The following RMDN3 variants were observed in gnomAD, a reference collection of about 807,000 sequenced individuals.
RMDN3 encodes regulator of microtubule dynamics 3.
In RMDN3, 41 loss-of-function variants were observed where a neutral mutation model predicts 61.8. The ratio of observed to expected loss-of-function variants is 0.66; its 90% CI spans 0.52 to 0.86. The LOEUF (loss-of-function observed/expected upper bound fraction) is 0.86, where lower values mean the gene tolerates loss of function less well. Ranked by LOEUF, RMDN3 falls within the 40% of genes least tolerant of loss-of-function variation. The pLI, the probability that RMDN3 is intolerant of heterozygous loss-of-function variation, is 0.00. For missense variants in RMDN3, 557 were observed against 585.3 expected (o/e 0.95, Z 0.50); for synonymous variants, 247 against 232.0 (o/e 1.06, Z -0.59).
intron 4 of RMDN3, among the ~76,000 whole-genome samples, chr15:40,749,524 C>A (rs1330957011): frequency 6.6e-6 from 1 of 152,096 alleles, no homozygotes; most frequent in African/African-American, 2.4e-5. Context: ...CAAAACAAAA[C>A]AAAACAAAAA....
intron 4 of RMDN3, among the ~76,000 whole-genome samples, chr15:40,750,827 C>CA (rs1022069004): frequency 1.3e-5 from 2 of 152,230 alleles, no homozygotes; most frequent in East Asian, 1.9e-4. Flanking sequence ...ACTGACATCA[C>CA]ACTCTATCCT....
intron 5 of RMDN3, among the ~76,000 whole-genome samples, chr15:40,744,528 G>T (rs1023654733): frequency 1.3e-5 from 2 of 151,870 alleles, no homozygotes; most frequent in African/African-American, 2.4e-5. Flanking sequence ...ACCTGGGTGG[G>T]CATATATTCT....
chr15:40,745,158 C>T lies in RMDN3; in HGVS notation c.626G>A (p.Arg209Lys). 6.2e-7 allele frequency: 1 copy of T among 1,614,194 alleles called. No homozygotes were observed. The highest frequency in any genetic ancestry group is 1.1e-5 in the South Asian group (1 of 91,086). Residue 209 changes from arginine to lysine, a missense_variant, in exon 5 of 13, where the codon AGA (arginine) becomes AAA (lysine). Coordinates refer to ENST00000338376, the MANE Select transcript of RMDN3 (RefSeq NM_018145.3). Reference protein sequence around the residue: ...EVSCETVKMGRKDSLDLEEEA... With the variant: ...EVSCETVKMGKKDSLDLEEEA... Reference sequence around the variant, plus strand: ...TTCCTCCAAGTCAAGAGAATCCTTTCTCCCCATCTTCACAGTCTCACAGCT... The same window carrying T: ...TTCCTCCAAGTCAAGAGAATCCTTTTTCCCCATCTTCACAGTCTCACAGCT...
intron 5 of RMDN3, chr15:40,744,378 G>C (rs1897414021): frequency 6.1e-6 from 3 of 491,366 alleles, no homozygotes; most frequent in Non-Finnish European, 1.1e-5. Flanking sequence ...TACGGGGTGA[G>C]GGCATTCTGA....
intron 6 of RMDN3, among the ~76,000 whole-genome samples, 185 bp downstream of exon 6, chr15:40,743,862 A>G (rs975046308): frequency 2.0e-5 from 3 of 152,220 alleles, no homozygotes; most frequent in African/African-American, 7.2e-5. Context: ...ACAGATAAGC[A>G]AAGACTGCTC....
chr15:40,741,800 T>C (rs1897296398), intron 6 of RMDN3, among the ~76,000 whole-genome samples: 2 of 150,972 alleles, frequency 1.3e-5, no homozygotes, highest in Non-Finnish European at 2.9e-5. Context: ...GGCTAATTTT[T>C]GTATTTTTAG....
chr15:40,751,803 G>C lies in RMDN3; in HGVS notation c.380+183C>G, dbSNP rs1355925878. ...AGCTGCTACAACAGATCAACCATGA[G>C]AGTCCAGAAGCAGCAAGGAGCATGT... On this transcript the variant is annotated intron_variant, in intron 3 of 12. Transcript: ENST00000338376. 1.2e-5 allele frequency: 10 copies of C among 809,596 alleles called. No individual in the cohort carries two copies. In the East Asian group the frequency reaches 2.4e-4, roughly 19 times the overall value. The allele number at this position is 809,596 out of a possible 1,614,324, so 50.2% of individuals were successfully genotyped here. A position where few individuals can be genotyped will look rare whatever the true frequency, so the allele number is the denominator to read the frequency against.
In RMDN3 at chr15:40,736,549, G is replaced by A. The variant is rs879690822; in HGVS notation, c.1405C>T (p.Arg469Ter). The change falls in exon 13 of 13, where the codon CGA (arginine) becomes TGA (stop). Residue 469 changes from arginine (R) to a stop codon, truncating the protein, a stop_gained. Coordinates refer to ENST00000338376, the MANE Select transcript of RMDN3 (RefSeq NM_018145.3). LOFTEE classifies it high-confidence loss of function. ...AGGCCAGTGAAACGTGGTTAGTCTC[G>A]TAAAATGACTTCCAGTTCTTCCAGG... ...KDLEELEVIL[R>*]D is the part of the protein sequence containing the mutation. The A allele has an allele frequency of 2.0e-5, 32 of 1,613,936 alleles. No individual in the cohort carries two copies. Among genetic ancestry groups the A allele is most frequent in the Non-Finnish European group, 2.5e-5 (30 of 1,179,898 alleles).
At chr15:40,741,233 T>C (rs1409912957) in intron 6 of RMDN3, among the ~76,000 whole-genome samples, 1 of 151,926 alleles carries the variant, frequency 6.6e-6, no homozygotes, top group Non-Finnish European at 1.5e-5. Flanking sequence ...AGGGGATGGG[T>C]ACATTGGCTC....
At chr15:40,744,682 GAGGTAGAGCTCTTTCTGCAGT>G (rs546704230) in intron 5 of RMDN3, among the ~76,000 whole-genome samples, 194 of 152,066 alleles carry the variant, frequency 1.3e-3, no homozygotes, top group African/African-American at 4.6e-3. Flanking sequence ...CTAGAGGTGA[GAGGTAGAGCTCTTTCTGCAGT>G]AGCTCTACAG....
rs367792204 is a variant in RMDN3, at chr15:40,752,179, C to T, written c.188-1G>A. 9.9e-6 allele frequency: 16 copies of T among 1,611,168 alleles called. No homozygotes were observed. The highest frequency in any genetic ancestry group is 1.3e-5 in the African/African-American group (1 of 74,838). On this transcript the variant is annotated splice_acceptor_variant, in intron 2 of 12. Coordinates refer to ENST00000338376, the MANE Select transcript of RMDN3 (RefSeq NM_018145.3). LOFTEE classifies it high-confidence loss of function. ...CCTGGGACAGCCCGCAGGAGCATCACTGAAGGGGGAAACGAATGGGAGCCA... is the reference window on the plus strand; with the variant it reads ...CCTGGGACAGCCCGCAGGAGCATCATTGAAGGGGGAAACGAATGGGAGCCA...
At position 40,745,316 on chromosome 15, in the gene RMDN3, T is replaced by C. The variant is rs536641013; in HGVS notation, c.525-57A>G. On this transcript the variant is annotated intron_variant, in intron 4 of 12. Transcript: ENST00000338376. ...ATTATTCAGCTCAGAGCCCCTAGGG[T>C]CTGTCTATCCCTCACCCCCAAAGAA... is the stretch of plus-strand genomic sequence containing the variant. The C allele has an allele frequency of 2.6e-6, 4 of 1,561,280 alleles. No homozygotes were observed. In the Admixed American group the frequency reaches 5.2e-5, roughly 20 times the overall value.
intron 4 of RMDN3, 57 bp downstream of exon 4, chr15:40,751,369 C>T (rs557688919): frequency 2.8e-4 from 446 of 1,587,174 alleles, no homozygotes; most frequent in Middle Eastern, 2.0e-3. Context: ...ATTGATAATA[C>T]TTTTACAAAA....
intron 12 of RMDN3, 151 bp from the exon 13 acceptor site, chr15:40,736,745 A>G: frequency 1.5e-6 from 1 of 664,966 alleles, no homozygotes; most frequent in East Asian, 2.7e-5. Context: ...AGCCTATTAA[A>G]TCTGTCTCTT....
rs140362237 is a variant in RMDN3, at chr15:40,741,716, G to A, written c.911-1523C>T. Among the ~76,000 whole-genome samples, 42 of 134,334 alleles carry A rather than the reference G, an allele frequency of 3.1e-4. No individual in the cohort carries two copies. The East Asian group carries it at 7.7e-3, about 25-fold the overall frequency. 88.1% of individuals were successfully genotyped at this position (134,334 alleles called of 152,430 possible). The stretch of plus-strand genomic sequence containing the variant: ...ACGATCTAGGCTCACCGCAACCTCC[G>A]CCTCCAGGTTCAAGTGATTCTCCTG... On this transcript the variant is annotated intron_variant, in intron 6 of 12. Coordinates refer to ENST00000338376, the MANE Select transcript of RMDN3 (RefSeq NM_018145.3).
intron 6 of RMDN3, among the ~76,000 whole-genome samples, chr15:40,743,467 A>G (rs1375800658): frequency 6.6e-6 from 1 of 152,002 alleles, no homozygotes; most frequent in Non-Finnish European, 1.5e-5. Flanking sequence ...CTAGAAACCC[A>G]TTACCCATTG....
chr15:40,743,491 CAG>C (rs1347002269), intron 6 of RMDN3, among the ~76,000 whole-genome samples: 1 of 152,044 alleles, frequency 6.6e-6, no homozygotes, highest in Non-Finnish European at 1.5e-5. Context: ...GTACCTGACT[CAG>C]TGTGTGGAGT....
rs1401597744 is a variant in RMDN3, at chr15:40,745,179, C to A, written c.605G>T (p.Cys202Phe). 17 of 1,614,036 alleles carry A rather than the reference C, an allele frequency of 1.1e-5. No homozygotes were observed. Among genetic ancestry groups the A allele is most frequent in the Non-Finnish European group, 1.4e-5 (16 of 1,180,038 alleles). Residue 202 changes from cysteine (C) to phenylalanine (F), a missense_variant, in exon 5 of 13, where the codon TGT becomes TTT. By Grantham distance (205) the Cys-to-Phe change is radical (BLOSUM62 -2). Coordinates refer to ENST00000338376, the MANE Select transcript of RMDN3 (RefSeq NM_018145.3). ...CTTTCTCCCCATCTTCACAGTCTCA[C>A]AGCTCACTTCATCTTCCCCGTCCTC... ...ESEDGEDEVS[C>F]ETVKMGRKDS...
intron 2 of RMDN3, among the ~76,000 whole-genome samples, chr15:40,754,127 CTT>C (rs71428308): frequency 8.9e-5 from 11 of 123,840 alleles, no homozygotes; most frequent in African/African-American, 3.5e-4. Context: ...ACCACGACTG[CTT>C]TTTTTTTTTT....
Sources: gnomAD v4.1 joint callset for allele counts (sites outside exome capture counted in the v4.1 genomes callset) on GRCh38, gnomAD v4.1.1 for gene constraint, MANE v1.5 for transcripts, NCBI Gene and HGNC (gene_info 2026-07-23, HGNC 2026-07-21) for gene names.